Variants in RAPGEF4 observed in about 807,000 individuals in gnomAD.
The protein encoded by RAPGEF4 is RAP guanine-nucleotide-exchange factor (GEF) 4.
Under a neutral mutation model 147.9 loss-of-function variants are expected in RAPGEF4, and 66 were observed. That is an observed-to-expected ratio of 0.45 (90% CI 0.37 to 0.55). The LOEUF is 0.55. Ranked by LOEUF, RAPGEF4 falls within the 20% of genes least tolerant of loss-of-function variation. The pLI is 0.00. For synonymous variants in RAPGEF4, 419 were observed against 442.7 expected, an observed-to-expected ratio of 0.95 and a Z score of 0.67; for missense variants, 1,071 against 1,257.3, an observed-to-expected ratio of 0.85 and a Z score of 2.24.
intron 6 of RAPGEF4, among the ~76,000 whole-genome samples, chr2:172,951,786 T>C (rs1688232495): frequency 6.6e-6 from 1 of 152,096 alleles, no homozygotes; most frequent in South Asian, 2.1e-4. Context: ...TGGCTTTCAC[T>C]GGGAGTGGGA....
At chr2:172,804,707 G>A (rs1687309255) in intron 3 of RAPGEF4, among the ~76,000 whole-genome samples, 1 of 152,214 alleles carries the variant, frequency 6.6e-6, no homozygotes, top group Non-Finnish European at 1.5e-5. Flanking sequence ...AGCTCCTCCA[G>A]TGTCCGTAGT....
Position 172,967,262 on chromosome 2 carries a change from G to A in RAPGEF4, c.822G>A (p.Val274=). ...VLLEDGVLNH[V]DQEHHFQDKY... ...CACGTGCTTCCATGTTTCCCATAGT[G>A]GACCAGGAGCACCATTTCCAAGACA... The change falls in exon 10 of 31, where the codon GTG becomes GTA. Residue 274 remains valine (V), a splice_region_variant and synonymous_variant. Transcript: ENST00000397081. 1 of 1,611,262 alleles carries A rather than the reference G, an allele frequency of 6.2e-7. No homozygotes were observed. The highest frequency in any genetic ancestry group is 2.2e-5 in the East Asian group (1 of 44,862).
At chr2:172,804,410 A>G (rs746349311) in intron 3 of RAPGEF4, among the ~76,000 whole-genome samples, 6 of 152,230 alleles carry the variant, frequency 3.9e-5, no homozygotes, top group Non-Finnish European at 5.9e-5. Context: ...CAATATACCC[A>G]GAGCATGTAG....
chr2:172,748,576 C>T (rs1225195481), intron 1 of RAPGEF4, among the ~76,000 whole-genome samples: 1 of 152,178 alleles, frequency 6.6e-6, no homozygotes, highest in East Asian at 1.9e-4. Flanking sequence ...CCTCCCACAA[C>T]ACAAGGGAAT....
chr2:173,049,587 G>C (rs1220111009), intron 30 of RAPGEF4, among the ~76,000 whole-genome samples: 2 of 152,202 alleles, frequency 1.3e-5, no homozygotes, highest in Non-Finnish European at 2.9e-5. Flanking sequence ...GTTCTTCCTA[G>C]AGCAGGACTG....
chr2:172,791,427 T>C (rs1685815476), intron 1 of RAPGEF4, among the ~76,000 whole-genome samples: 1 of 152,174 alleles, frequency 6.6e-6, no homozygotes, highest in African/African-American at 2.4e-5. Flanking sequence ...GTCCCAGACA[T>C]GAACTCTAGA....
intron 5 of RAPGEF4, among the ~76,000 whole-genome samples, chr2:172,919,028 C>T (rs1287211434): frequency 3.3e-5 from 5 of 152,168 alleles, no homozygotes; most frequent in Admixed American, 3.3e-4. Context: ...TTCTGCTTTC[C>T]TGCAGAGGAG....
rs2011581 is a variant in RAPGEF4 at position 172,962,884 on chromosome 2, C to A, written c.698+1656C>A. ...GAAGTTGATTCCTTTTCTAGTCTGTCGACCTGTATTAGTCTGTTTTCACAC... is the reference window on the plus strand; with the variant it reads ...GAAGTTGATTCCTTTTCTAGTCTGTAGACCTGTATTAGTCTGTTTTCACAC... On this transcript the variant is annotated intron_variant, in intron 8 of 30. Coordinates refer to ENST00000397081, the MANE Select transcript of RAPGEF4 (RefSeq NM_007023.4). Among the ~76,000 whole-genome samples the A allele has an allele frequency of 3.4e-3, 514 of 151,958 alleles. 4 individuals carry two copies. Among genetic ancestry groups the A allele is most frequent in the African/African-American group, 0.012 (486 of 41,442 alleles).
intron 6 of RAPGEF4, among the ~76,000 whole-genome samples, chr2:172,952,215 A>G (rs1190262822): frequency 1.3e-5 from 2 of 152,162 alleles, no homozygotes; most frequent in African/African-American, 4.8e-5. Flanking sequence ...GAAATGTCAT[A>G]GTGTTCCAGC....
intron 4 of RAPGEF4, among the ~76,000 whole-genome samples, chr2:172,913,406 G>A (rs1219582781): frequency 1.3e-5 from 2 of 152,208 alleles, no homozygotes; most frequent in African/African-American, 4.8e-5. Context: ...ATTTCTGTGG[G>A]TCACAAATTT....
chr2:173,046,127 G>A (rs1175330714), intron 29 of RAPGEF4, among the ~76,000 whole-genome samples: 1 of 152,218 alleles, frequency 6.6e-6, no homozygotes, highest in Non-Finnish European at 1.5e-5. Flanking sequence ...ACCTCGCTGT[G>A]AAGCCAGATT....
chr2:172,904,190 A>G (rs1699378965), intron 4 of RAPGEF4, among the ~76,000 whole-genome samples: 1 of 152,182 alleles, frequency 6.6e-6, no homozygotes, highest in Admixed American at 6.5e-5. Flanking sequence ...GCTGGGCTTC[A>G]TGTGAGTTTT....
At chr2:172,926,832 A>G (rs141377870) in intron 6 of RAPGEF4, among the ~76,000 whole-genome samples, 7 of 152,310 alleles carry the variant, frequency 4.6e-5, no homozygotes, top group Non-Finnish European at 8.8e-5. Context: ...AGCCTCTCAA[A>G]GTGCTGGGAT....
At chr2:172,903,853 C>T (rs1699343460) in intron 4 of RAPGEF4, among the ~76,000 whole-genome samples, 1 of 152,138 alleles carries the variant, frequency 6.6e-6, no homozygotes, top group Non-Finnish European at 1.5e-5. Flanking sequence ...AGGGACAAAG[C>T]CAGAAGGGAT....
At chr2:172,807,353 C>A (rs139999880) in intron 3 of RAPGEF4, among the ~76,000 whole-genome samples, 1 of 152,234 alleles carries the variant, frequency 6.6e-6, no homozygotes, top group Non-Finnish European at 1.5e-5. Context: ...TTCCTGCGGC[C>A]GGCTTGCCTG....
chr2:172,737,695 G>GA (rs1239409225), intron 1 of RAPGEF4, among the ~76,000 whole-genome samples: 3 of 148,198 alleles, frequency 2.0e-5, no homozygotes, highest in Non-Finnish European at 4.5e-5. Context: ...TTCATAATGG[G>GA]AAAAAAATCT....
Position 173,017,429 on chromosome 2 carries a change from A to AAGGTT in RAPGEF4, c.1934_1938dup (p.Leu647ArgfsTer48). 2 of 1,614,114 alleles carry AAGGTT rather than the reference A, an allele frequency of 1.2e-6. No individual in the cohort carries two copies. The highest frequency in any genetic ancestry group is 1.7e-6 in the Non-Finnish European group (2 of 1,179,962). On this transcript the variant is annotated frameshift_variant, in exon 21 of 31. Transcript: ENST00000397081. LOFTEE classifies it high-confidence loss of function. Reference sequence around the variant, plus strand: ...CTTGCTGTGGTTGTTTTTACAGCACAAGGTTCTTTTGCAACAGTTCAATAC... The same window carrying AAGGTT: ...CTTGCTGTGGTTGTTTTTACAGCACAAGGTTAGGTTCTTTTGCAACAGTTCAATAC...
chr2:172,990,708 A>G, intron 14 of RAPGEF4, 102 bp from the exon 15 acceptor site: 1 of 778,178 alleles, frequency 1.3e-6, no homozygotes, highest in Non-Finnish European at 2.1e-6. Flanking sequence ...AGACGCAACA[A>G]TTAGCATGAC....
intron 4 of RAPGEF4, among the ~76,000 whole-genome samples, chr2:172,846,215 T>A (rs1362581291): frequency 1.3e-5 from 2 of 152,210 alleles, no homozygotes; most frequent in Admixed American, 1.3e-4. Context: ...ATCCTTCCAA[T>A]CAGATCTCTC....
Sources: gnomAD v4.1 joint callset for allele counts (sites outside exome capture counted in the v4.1 genomes callset) on GRCh38, gnomAD v4.1.1 for gene constraint, MANE v1.5 for transcripts, NCBI Gene and HGNC (gene_info 2026-07-23, HGNC 2026-07-21) for gene names.